Variants in FAM151B observed in about 807,000 individuals in gnomAD.
The protein encoded by FAM151B is family with sequence similarity 151 member B, also known as protein FAM151B.
Under a neutral mutation model 31.2 loss-of-function variants are expected in FAM151B, and 24 were observed. The ratio of observed to expected loss-of-function variants is 0.77; its 90% CI spans 0.56 to 1.08. FAM151B has a LOEUF of 1.08. Ranked by LOEUF, FAM151B falls within the 50% of genes least tolerant of loss-of-function variation. The probability of loss-of-function intolerance (pLI) is 0.00; values close to 1 mark genes in which losing one functional copy is unlikely to be tolerated. For synonymous variants in FAM151B, 105 were observed against 111.4 expected, an observed-to-expected ratio of 0.94 and a Z score of 0.36; for missense variants, 293 against 328.6, an observed-to-expected ratio of 0.89 and a Z score of 0.84.
At chr5:80,498,897 T>C (rs1743642748) in intron 1 of FAM151B, 2 of 329,702 alleles carry the variant, frequency 6.1e-6, no homozygotes, top group South Asian at 6.7e-5. Context: ...TCCTGGATTT[T>C]GGCCTTTACC....
intron 2 of FAM151B, among the ~76,000 whole-genome samples, chr5:80,502,443 C>G (rs1179928362): frequency 6.6e-6 from 1 of 152,044 alleles, no homozygotes; most frequent in Admixed American, 6.5e-5. Flanking sequence ...AATATTTGTT[C>G]AATGGATGGA....
In FAM151B at chr5:80,528,732, GA is replaced by G. The variant is rs34242760; in HGVS notation, c.671+6606del. ...GGTGACAGAGTAAGACCCAGTCTCA[GA>G]AAAAAAAAAAAGGATTCCCTACAAA... is the stretch of plus-strand genomic sequence containing the variant. On this transcript the variant is annotated intron_variant, in intron 5 of 5. Coordinates refer to ENST00000282226, the MANE Select transcript of FAM151B (RefSeq NM_205548.3). 2.9e-3 allele frequency among the ~76,000 whole-genome samples: 389 copies of G among 132,350 alleles called. 1 individual carries two copies. Among genetic ancestry groups the G allele is most frequent in the African/African-American group, 6.8e-3 (246 of 35,968 alleles). The allele number at this position is 132,350 out of a possible 152,430, so 86.8% of individuals were successfully genotyped here.
chr5:80,529,660 C>T (rs1446432042), intron 5 of FAM151B, among the ~76,000 whole-genome samples: 1 of 152,096 alleles, frequency 6.6e-6, no homozygotes, highest in Non-Finnish European at 1.5e-5. Flanking sequence ...AATTCCTGGA[C>T]ACATATACCC....
Position 80,488,137 on chromosome 5 carries a change from C to G in FAM151B, c.14C>G (p.Ala5Gly). Reference sequence around the variant, plus strand: ...GGCGTCGTCACCATGGCAGCATCCGCTGGAGGCCCAGGTAAGCGCCGAGCG... The same window carrying G: ...GGCGTCGTCACCATGGCAGCATCCGGTGGAGGCCCAGGTAAGCGCCGAGCG... MAAS[A>G]GGPGSWSENI... The change falls in exon 1 of 6, where the codon GCT (alanine) becomes GGT (glycine). Residue 5 changes from alanine (A) to glycine (G), a missense_variant. Transcript: ENST00000282226. 6.5e-7 allele frequency: 1 copy of G among 1,543,578 alleles called. No homozygotes were observed. The highest frequency in any genetic ancestry group is 1.4e-5 in the African/African-American group (1 of 72,812).
intron 2 of FAM151B, among the ~76,000 whole-genome samples, chr5:80,512,778 T>C (rs1744239608): frequency 1.1e-5 from 1 of 92,282 alleles, no homozygotes; most frequent in Admixed American, 9.8e-5. Flanking sequence ...AGACCCTGTT[T>C]CTAAAAAAAA....
At chr5:80,497,781 C>G (rs371498482) in intron 1 of FAM151B, among the ~76,000 whole-genome samples, 1 of 126,066 alleles carries the variant, frequency 7.9e-6, no homozygotes, top group Admixed American at 1.0e-4. Context: ...CATCACACAC[C>G]AGGGCCTGTC....
At chr5:80,528,696 A>G (rs1161023920) in intron 5 of FAM151B, among the ~76,000 whole-genome samples, 2 of 151,690 alleles carry the variant, frequency 1.3e-5, no homozygotes, top group Non-Finnish European at 2.9e-5. Context: ...ACACCACTGC[A>G]CTCCAGCCTG....
chr5:80,534,952 TATGCCA>T (rs1298788547), intron 5 of FAM151B, among the ~76,000 whole-genome samples: 1 of 152,188 alleles, frequency 6.6e-6, no homozygotes, highest in African/African-American at 2.4e-5. Context: ...AACATTTCTA[TATGCCA>T]ACAGTGAACA....
chr5:80,520,032 C>T, intron 4 of FAM151B, 122 bp downstream of exon 4: 2 of 878,230 alleles, frequency 2.3e-6, no homozygotes, highest in East Asian at 5.3e-5. Flanking sequence ...GAAAAAAAGG[C>T]CTGACCCTTC....
At chr5:80,493,902 A>G (rs1171173846) in intron 1 of FAM151B, among the ~76,000 whole-genome samples, 3 of 151,336 alleles carry the variant, frequency 2.0e-5, no homozygotes, top group Non-Finnish European at 4.4e-5. Context: ...CTGTTCATAC[A>G]CCCCCTCCCC....
At chr5:80,500,986 A>G in intron 1 of FAM151B, 1 of 642,264 alleles carries the variant, frequency 1.6e-6, no homozygotes, top group Non-Finnish European at 2.8e-6. Flanking sequence ...ATGAGGCGGA[A>G]TGAAGAAAAA....
intron 5 of FAM151B, among the ~76,000 whole-genome samples, chr5:80,539,736 C>A (rs777558229): frequency 1.3e-5 from 2 of 151,212 alleles, no homozygotes; most frequent in Non-Finnish European, 2.9e-5. Context: ...AGGCAATCGG[C>A]CTGCCTCGGC....
At chr5:80,519,655 A>G (rs1243857765) in intron 3 of FAM151B, 38 bp from the exon 4 acceptor site, 2 of 1,564,630 alleles carry the variant, frequency 1.3e-6, no homozygotes, top group South Asian at 2.3e-5. Flanking sequence ...TACTTTACCT[A>G]AAGAATCTAT....
At chr5:80,527,052 C>T (rs1478778447) in intron 5 of FAM151B, among the ~76,000 whole-genome samples, 1 of 152,136 alleles carries the variant, frequency 6.6e-6, no homozygotes, top group Admixed American at 6.5e-5. Flanking sequence ...TTTAACACAA[C>T]AACTTAGTAT....
At chr5:80,530,322 G>A (rs1040779078) in intron 5 of FAM151B, among the ~76,000 whole-genome samples, 18 of 151,946 alleles carry the variant, frequency 1.2e-4, no homozygotes, top group African/African-American at 3.9e-4. Context: ...TTGAAAACTG[G>A]CACAAGACAG....
At chr5:80,511,984 G>T (rs1744208674) in intron 2 of FAM151B, among the ~76,000 whole-genome samples, 1 of 152,068 alleles carries the variant, frequency 6.6e-6, no homozygotes. Context: ...ATTGTTTCTG[G>T]TATTGGAGGT....
intron 5 of FAM151B, among the ~76,000 whole-genome samples, chr5:80,540,335 G>A (rs975060455): frequency 1.3e-5 from 2 of 152,018 alleles, no homozygotes; most frequent in African/African-American, 4.8e-5. Flanking sequence ...TGCTGGCCAT[G>A]TTTTATTTAT....
chr5:80,508,657 C>G (rs963765481), intron 2 of FAM151B, among the ~76,000 whole-genome samples: 1 of 152,150 alleles, frequency 6.6e-6, no homozygotes, highest in African/African-American at 2.4e-5. Flanking sequence ...TGAACTATCT[C>G]TGTCCTTTTG....
chr5:80,528,430 GA>G (rs377604799), intron 5 of FAM151B, among the ~76,000 whole-genome samples: 24 of 146,380 alleles, frequency 1.6e-4, no homozygotes, highest in South Asian at 2.1e-4. Context: ...CTGAATGGAT[GA>G]AAAAAAAAAA....
Sources: gnomAD v4.1 joint callset for allele counts (sites outside exome capture counted in the v4.1 genomes callset) on GRCh38, gnomAD v4.1.1 for gene constraint, MANE v1.5 for transcripts, NCBI Gene and HGNC (gene_info 2026-07-23, HGNC 2026-07-21) for gene names.